Variants in PTPRM observed in about 807,000 individuals in gnomAD.
PTPRM encodes the protein receptor-type tyrosine-protein phosphatase mu.
In PTPRM, 47 loss-of-function variants were observed where a neutral mutation model predicts 186.7. The observed-to-expected ratio is 0.25, with a 90% CI of 0.20 to 0.32. The LOEUF is 0.32. Among genes scored for constraint, PTPRM ranks in the 10% least tolerant of loss-of-function variants. PTPRM has a pLI of 1.00. For synonymous variants in PTPRM, 668 were observed against 674.9 expected (o/e 0.99, Z 0.16); for missense variants, 1,494 against 1,865.0 (o/e 0.80, Z 3.66).
intron 14 of PTPRM, among the ~76,000 whole-genome samples, chr18:8,195,469 G>A: frequency 6.6e-6 from 1 of 152,174 alleles, no homozygotes; most frequent in Non-Finnish European, 1.5e-5. Flanking sequence ...ATTCACAATA[G>A]CAAAGATGTG....
At chr18:7,849,345 T>G (rs1250426147) in intron 2 of PTPRM, among the ~76,000 whole-genome samples, 6 of 152,242 alleles carry the variant, frequency 3.9e-5, no homozygotes, top group Non-Finnish European at 8.8e-5. Context: ...ACATGGCTCC[T>G]TCCTATACCC....
intron 13 of PTPRM, among the ~76,000 whole-genome samples, chr18:8,139,009 G>A (rs762918032): frequency 1.3e-4 from 20 of 152,062 alleles, no homozygotes; most frequent in Non-Finnish European, 2.1e-4. Flanking sequence ...TCCCCCGGCC[G>A]ACTCATGACT....
At chr18:7,923,668 A>G (rs1270237978) in intron 4 of PTPRM, among the ~76,000 whole-genome samples, 3 of 152,188 alleles carry the variant, frequency 2.0e-5, no homozygotes, top group East Asian at 1.9e-4. Flanking sequence ...AGAAAGTTCT[A>G]TCAGGCTTTT....
chr18:8,297,903 A>T (rs1320041512), intron 20 of PTPRM, among the ~76,000 whole-genome samples: 2 of 152,214 alleles, frequency 1.3e-5, no homozygotes, highest in African/African-American at 4.8e-5. Context: ...GTCATGTCAC[A>T]GTCCTTTGTA....
chr18:8,069,625 TTGACC>T, intron 7 of PTPRM, 56 bp from the exon 8 acceptor site: 1 of 1,424,196 alleles, frequency 7.0e-7, no homozygotes, highest in East Asian at 2.4e-5. Context: ...ACCTTTGGGA[TTGACC>T]TGAGCCTTTA....
chr18:7,916,929 G>A (rs1018748046), intron 4 of PTPRM, among the ~76,000 whole-genome samples: 1 of 151,948 alleles, frequency 6.6e-6, no homozygotes, highest in Admixed American at 6.6e-5. Context: ...GTTTTCATTA[G>A]CCAACATGTT....
chr18:8,092,577 C>A (rs2090798434), intron 11 of PTPRM, among the ~76,000 whole-genome samples: 1 of 152,028 alleles, frequency 6.6e-6, no homozygotes, highest in African/African-American at 2.4e-5. Context: ...GTGCCCCTGG[C>A]AAATTCAAGG....
At position 7,842,882 on chromosome 18, in the gene PTPRM, C is replaced by CAT. The variant is rs1555616817; in HGVS notation, c.197-45224_197-45223insAT. Among the ~76,000 whole-genome samples the CAT allele has an allele frequency of 6.1e-4, 36 of 58,860 alleles. 2 individuals carry two copies. In the East Asian group the frequency reaches 0.018, roughly 29 times the overall value. 38.6% of individuals were successfully genotyped at this position (58,860 alleles called of 152,430 possible). On this transcript the variant is annotated intron_variant, in intron 2 of 32. Transcript: ENST00000580170. ...GAAACATATATATATATATGTTTCTCGTGTGTATATATATATATGTTTCTC... is the reference window on the plus strand; with the variant it reads ...GAAACATATATATATATATGTTTCTCATGTGTGTATATATATATATGTTTCTC...
intron 1 of PTPRM, among the ~76,000 whole-genome samples, chr18:7,717,218 C>A (rs1432738028): frequency 6.6e-6 from 1 of 152,056 alleles, no homozygotes; most frequent in African/African-American, 2.4e-5. Flanking sequence ...TTGAATGTTG[C>A]CTTTTCCTAA....
intron 22 of PTPRM, among the ~76,000 whole-genome samples, chr18:8,328,254 G>T (rs2095390421): frequency 1.3e-5 from 2 of 152,200 alleles, no homozygotes; most frequent in Non-Finnish European, 2.9e-5. Context: ...AAGCCATTCC[G>T]GTAGTGGAGG....
At chr18:8,366,063 G>A (rs906881576) in intron 23 of PTPRM, among the ~76,000 whole-genome samples, 1 of 152,148 alleles carries the variant, frequency 6.6e-6, no homozygotes, top group Admixed American at 6.5e-5. Context: ...AGTATGGCCT[G>A]GGCTGTAGAA....
At chr18:8,250,806 GA>G (rs927356297) in intron 17 of PTPRM, among the ~76,000 whole-genome samples, 8 of 148,552 alleles carry the variant, frequency 5.4e-5, no homozygotes, top group Non-Finnish European at 1.2e-4. Flanking sequence ...AAAAAAAGTA[GA>G]AAAAAAAATT....
intron 19 of PTPRM, among the ~76,000 whole-genome samples, chr18:8,282,816 A>C (rs2147759070): frequency 6.6e-6 from 1 of 152,316 alleles, no homozygotes; most frequent in South Asian, 2.1e-4. Flanking sequence ...ATCACCAAAA[A>C]CTGGAAACAG....
At chr18:8,140,739 A>C (rs2092747810) in intron 13 of PTPRM, among the ~76,000 whole-genome samples, 1 of 152,138 alleles carries the variant, frequency 6.6e-6, no homozygotes, top group East Asian at 1.9e-4. Flanking sequence ...TATTCTCTTC[A>C]AAAGGAACTA....
intron 14 of PTPRM, among the ~76,000 whole-genome samples, chr18:8,187,084 C>T (rs1054863462): frequency 1.3e-5 from 2 of 151,968 alleles, no homozygotes; most frequent in African/African-American, 2.4e-5. Flanking sequence ...GGATTACAGG[C>T]GCATGCCACC....
intron 5 of PTPRM, among the ~76,000 whole-genome samples, chr18:7,933,479 A>C (rs951881590): frequency 1.3e-5 from 2 of 152,210 alleles, no homozygotes; most frequent in Non-Finnish European, 2.9e-5. Flanking sequence ...TTGTGTGTGC[A>C]AGACATGACA....
intron 1 of PTPRM, among the ~76,000 whole-genome samples, chr18:7,579,544 A>G (rs752992397): frequency 1.3e-4 from 20 of 152,376 alleles, no homozygotes; most frequent in Non-Finnish European, 2.6e-4. Context: ...AAAATGAGTT[A>G]TGAAACAATT....
intron 1 of PTPRM, among the ~76,000 whole-genome samples, chr18:7,732,510 T>C (rs1203694756): frequency 1.3e-5 from 2 of 152,164 alleles, no homozygotes; most frequent in Non-Finnish European, 2.9e-5. Flanking sequence ...TTTAAAAATA[T>C]TACTTTTTTT....
At chr18:8,215,145 A>T (rs1415495636) in intron 14 of PTPRM, among the ~76,000 whole-genome samples, 1 of 152,238 alleles carries the variant, frequency 6.6e-6, no homozygotes, top group African/African-American at 2.4e-5. Context: ...TTGAGGGACA[A>T]CATTGGGAAG....
Sources: allele counts gnomAD v4.1 joint callset (sites outside exome capture counted in the v4.1 genomes callset), GRCh38; gene constraint gnomAD v4.1.1; transcripts MANE v1.5; gene names NCBI Gene and HGNC (gene_info 2026-07-23, HGNC 2026-07-21).